RALGAPA2: variants seen among roughly 807,000 people sequenced by gnomAD.
RALGAPA2 encodes ral GTPase-activating protein subunit alpha-2.
In RALGAPA2, 139 loss-of-function variants were observed where a neutral mutation model predicts 230.4. The observed-to-expected ratio is 0.60, with a 90% confidence interval of 0.53 to 0.69. The LOEUF (loss-of-function observed/expected upper bound fraction) is 0.69. Among genes scored for constraint, RALGAPA2 ranks in the 30% least tolerant of loss-of-function variants. The probability of loss-of-function intolerance (pLI) is 0.00; values close to 1 mark genes in which losing one functional copy is unlikely to be tolerated. For missense variants in RALGAPA2, 2,163 were observed against 2,276.0 expected (o/e 0.95, Z 1.01); for synonymous variants, 847 against 837.8 (o/e 1.01, Z -0.19).
intron 20 of RALGAPA2, among the ~76,000 whole-genome samples, chr20:20,579,778 A>C (rs1305367859): frequency 1.3e-5 from 2 of 152,126 alleles, no homozygotes; most frequent in African/African-American, 4.8e-5. Context: ...ATTTTTTTCC[A>C]TATGGCTAAG....
At chr20:20,577,709 T>G (rs1186494929) in intron 20 of RALGAPA2, among the ~76,000 whole-genome samples, 1 of 152,112 alleles carries the variant, frequency 6.6e-6, no homozygotes, top group Non-Finnish European at 1.5e-5. Flanking sequence ...TGAATCAACA[T>G]GAGCCCCCAA....
At chr20:20,444,206 C>A (rs889465704) in intron 37 of RALGAPA2, among the ~76,000 whole-genome samples, 2 of 152,154 alleles carry the variant, frequency 1.3e-5, no homozygotes, top group Non-Finnish European at 2.9e-5. Context: ...GACAGAAGGA[C>A]CTCCAGGGGC....
intron 14 of RALGAPA2, among the ~76,000 whole-genome samples, chr20:20,609,168 T>A (rs6035661): frequency 0.91 from 138,698 of 152,134 alleles, 63,316 homozygotes; most frequent in East Asian, 1. Flanking sequence ...ATAATTTTTT[T>A]AAAATTTTTT....
At chr20:20,471,468 G>A (rs1356134156) in intron 37 of RALGAPA2, 7 of 140,376 alleles carry the variant, frequency 5.0e-5, no homozygotes, top group Non-Finnish European at 9.0e-5. Flanking sequence ...TGACTGATGC[G>A]TGCCCAGCTC....
chr20:20,491,027 A>C (rs2062041442), intron 36 of RALGAPA2, among the ~76,000 whole-genome samples: 1 of 152,150 alleles, frequency 6.6e-6, no homozygotes, highest in Admixed American at 6.5e-5. Context: ...TCCAAAAAAA[A>C]AAAGGCATTT....
Position 20,535,761 on chromosome 20 carries a change from G to A in RALGAPA2, c.3457C>T (p.Pro1153Ser). 2 of 1,547,810 alleles carry A rather than the reference G, an allele frequency of 1.3e-6. No individual in the cohort carries two copies. The highest frequency in any genetic ancestry group is 1.7e-6 in the Non-Finnish European group (2 of 1,145,260). ...NILLKNATEE[P>S]NEYARCIAVC... ...AACATTTACCTTGCATATTCATTTG[G>A]TTCTTCTGTGGCATTCTTCAGTAAA... The change falls in exon 26 of 40, where the codon CCA becomes TCA. Residue 1153 changes from proline to serine, a missense_variant. Physicochemically the swap from Pro to Ser is moderately conservative, Grantham distance 74. Transcript: ENST00000202677.
intron 3 of RALGAPA2, among the ~76,000 whole-genome samples, chr20:20,665,786 G>A (rs751168226): frequency 6.6e-6 from 1 of 152,138 alleles, no homozygotes; most frequent in Non-Finnish European, 1.5e-5. Flanking sequence ...ATAACCACAT[G>A]CTATAGAGAT....
intron 39 of RALGAPA2, among the ~76,000 whole-genome samples, chr20:20,395,806 C>G (rs187876359): frequency 6.6e-6 from 1 of 152,338 alleles, no homozygotes; most frequent in East Asian, 1.9e-4. Context: ...ACCAACAAAT[C>G]TGGACCCTAA....
chr20:20,688,758 T>C (rs2068792623), intron 1 of RALGAPA2, among the ~76,000 whole-genome samples: 1 of 152,216 alleles, frequency 6.6e-6, no homozygotes, highest in South Asian at 2.1e-4. Context: ...AGAATTTAGA[T>C]ATACAGAGAG....
In RALGAPA2 at chr20:20,449,976, G is replaced by T. The variant is rs188444165; in HGVS notation, c.5495+22853C>A. On this transcript the variant is annotated intron_variant, in intron 37 of 39. Coordinates refer to ENST00000202677, the MANE Select transcript of RALGAPA2 (RefSeq NM_020343.4). Reference sequence around the variant, plus strand: ...CTCTGCTGCCAGAGCCATGACTGTGGATTCTCTGTATGCCTTCAGATGATA... The same window carrying T: ...CTCTGCTGCCAGAGCCATGACTGTGTATTCTCTGTATGCCTTCAGATGATA... Among the ~76,000 whole-genome samples, 39 of 152,306 alleles carry T rather than the reference G, an allele frequency of 2.6e-4. No individual in the cohort carries two copies. The East Asian group carries it at 7.1e-3, about 28-fold the overall frequency.
chr20:20,463,855 G>A (rs1602445386), intron 37 of RALGAPA2, among the ~76,000 whole-genome samples: 1 of 152,222 alleles, frequency 6.6e-6, no homozygotes, highest in Non-Finnish European at 1.5e-5. Context: ...AGTTGGGTCA[G>A]CAAATACCCT....
At chr20:20,601,483 T>G (rs1210378406) in intron 16 of RALGAPA2, among the ~76,000 whole-genome samples, 199 bp downstream of exon 16, 1 of 152,212 alleles carries the variant, frequency 6.6e-6, no homozygotes, top group Non-Finnish European at 1.5e-5. Flanking sequence ...TTTCTCACAA[T>G]GGAGGATTTA....
chr20:20,476,558 T>C (rs1320044548), intron 36 of RALGAPA2, among the ~76,000 whole-genome samples: 1 of 151,174 alleles, frequency 6.6e-6, no homozygotes. Context: ...ATTGAGAGGG[T>C]TATAGACTGA....
chr20:20,616,209 T>C lies in RALGAPA2; in HGVS notation c.1540-18A>G. On this transcript the variant is annotated intron_variant, in intron 12 of 39. Transcript: ENST00000202677. ...AAAAATACCTTAAAATCAACAACTT[T>C]ACATTAGAAAATATAACTGAACATA... The C allele has an allele frequency of 6.8e-7, 1 of 1,467,608 alleles. No individual in the cohort carries two copies. Among genetic ancestry groups the C allele is most frequent in the Non-Finnish European group, 9.1e-7 (1 of 1,100,352 alleles). 90.9% of individuals were successfully genotyped at this position (1,467,608 alleles called of 1,614,324 possible). A position where few individuals can be genotyped will look rare whatever the true frequency, so the allele number is the denominator to read the frequency against.
chr20:20,415,038 G>A (rs2060138996), intron 37 of RALGAPA2, among the ~76,000 whole-genome samples: 1 of 152,274 alleles, frequency 6.6e-6, no homozygotes, highest in African/African-American at 2.4e-5. Context: ...CAGCCAAGGA[G>A]CTTGTGGGTG....
chr20:20,703,838 T>C (rs776073840), intron 1 of RALGAPA2, among the ~76,000 whole-genome samples: 3 of 152,202 alleles, frequency 2.0e-5, no homozygotes, highest in African/African-American at 4.8e-5. Flanking sequence ...AGGTCCACTC[T>C]AGGGCACATG....
At chr20:20,671,086 G>A (rs2068121224) in intron 3 of RALGAPA2, among the ~76,000 whole-genome samples, 2 of 152,158 alleles carry the variant, frequency 1.3e-5, no homozygotes. Flanking sequence ...CACTAGAGAG[G>A]AAGGCAGGCA....
chr20:20,597,280 C>T (rs545577196), intron 16 of RALGAPA2, among the ~76,000 whole-genome samples: 15 of 152,004 alleles, frequency 9.9e-5, no homozygotes, highest in Non-Finnish European at 2.1e-4. Flanking sequence ...CAAACAATAG[C>T]TTTTTTTGAA....
intron 37 of RALGAPA2, among the ~76,000 whole-genome samples, chr20:20,421,974 C>T (rs575764267): frequency 1.3e-4 from 20 of 152,222 alleles, no homozygotes; most frequent in South Asian, 4.2e-4. Flanking sequence ...GTATTGATAC[C>T]TGCTGTGACA....
Sources: allele counts gnomAD v4.1 joint callset (sites outside exome capture counted in the v4.1 genomes callset), GRCh38; gene constraint gnomAD v4.1.1; transcripts MANE v1.5; gene names NCBI Gene and HGNC (gene_info 2026-07-23, HGNC 2026-07-21).